Variants in ITGB8 observed in about 807,000 individuals in gnomAD.
ITGB8 encodes the protein integrin subunit beta 8, also known as integrin beta-8.
A neutral mutation model predicts 89.5 loss-of-function variants in ITGB8; 30 were observed. That is an observed-to-expected ratio of 0.34 (90% CI 0.25 to 0.45). The LOEUF (loss-of-function observed/expected upper bound fraction) is 0.45, where lower values mean the gene tolerates loss of function less well. Among genes scored for constraint, ITGB8 ranks in the 20% least tolerant of loss-of-function variants. The probability of loss-of-function intolerance (pLI) is 1.00; values close to 1 mark genes in which losing one functional copy is unlikely to be tolerated. For missense variants in ITGB8, 836 were observed against 933.3 expected (o/e 0.90, Z 1.36); for synonymous variants, 335 against 320.4 (o/e 1.05, Z -0.49).
chr7:20,395,038 G>A, intron 8 of ITGB8, 53 bp downstream of exon 8: 2 of 1,064,910 alleles, frequency 1.9e-6, no homozygotes, highest in Non-Finnish European at 2.8e-6. Context: ...CTCAATTTCT[G>A]TGACAAGGTA....
chr7:20,370,457 C>A (rs1303076509), intron 3 of ITGB8, among the ~76,000 whole-genome samples: 1 of 150,992 alleles, frequency 6.6e-6, no homozygotes, highest in Non-Finnish European at 1.5e-5. Flanking sequence ...TAATTACCTC[C>A]CTTAATAAGA....
chr7:20,363,782 T>C (rs1369287348), intron 2 of ITGB8, 60 bp downstream of exon 2: 1 of 980,000 alleles, frequency 1.0e-6, no homozygotes, highest in East Asian at 2.7e-5. Context: ...ATGACTTCAT[T>C]TTCCTAATAT....
intron 1 of ITGB8, among the ~76,000 whole-genome samples, chr7:20,332,218 G>A (rs1784427872): frequency 6.6e-6 from 1 of 152,204 alleles, no homozygotes; most frequent in Non-Finnish European, 1.5e-5. Flanking sequence ...AAAAGAGGGT[G>A]TCCTGTTTAC....
rs772257032 is a variant in ITGB8, at chr7:20,409,773, A to C, written c.2182A>C (p.Lys728Gln). Residue 728 changes from lysine to glutamine, a missense_variant, in exon 13 of 14, where the codon AAA becomes CAA. By Grantham distance (53) the Lys-to-Gln change is moderately conservative (BLOSUM62 1). Transcript: ENST00000222573. ...SSSDYRVSAS[K>Q]KDKLILQSVC... ...ATCAGATTACAGAGTGTCAGCCTCA[A>C]AAAAGGTCAGTGAATTCTAAAAAAG... 6.2e-7 allele frequency: 1 copy of C among 1,613,130 alleles called. No homozygotes were observed. The highest frequency in any genetic ancestry group is 1.7e-5 in the Admixed American group (1 of 59,956).
chr7:20,415,472 T>A lies in ITGB8; in HGVS notation c.*5475T>A, dbSNP rs181740045. 29 of 152,580 alleles carry A rather than the reference T, an allele frequency of 1.9e-4. No homozygotes were observed. Among genetic ancestry groups the A allele is most frequent in the African/African-American group, 5.5e-4 (23 of 41,560 alleles). 9.5% of individuals were successfully genotyped at this position (152,580 alleles called of 1,614,324 possible). On this transcript the variant is annotated 3_prime_UTR_variant, in exon 14 of 14. Coordinates refer to ENST00000222573, the MANE Select transcript of ITGB8 (RefSeq NM_002214.3). ...ATTTCTTATTATTTCTGGCTTTGAA[T>A]TATACGTAACTTAAATTGTCTTAAA... is the stretch of plus-strand genomic sequence containing the variant.
intron 8 of ITGB8, among the ~76,000 whole-genome samples, chr7:20,397,488 A>C (rs576251493): frequency 3.0e-4 from 45 of 152,264 alleles, no homozygotes; most frequent in African/African-American, 1.0e-3. Flanking sequence ...AGCCTCCCAA[A>C]GAGCTGGGAT....
chr7:20,375,860 G>C (rs1786120666), intron 3 of ITGB8, among the ~76,000 whole-genome samples: 1 of 152,106 alleles, frequency 6.6e-6, no homozygotes, highest in South Asian at 2.1e-4. Context: ...CTGATAGTTG[G>C]AATAGCCCAG....
At chr7:20,359,379 G>T (rs1170206599) in intron 1 of ITGB8, among the ~76,000 whole-genome samples, 1 of 152,188 alleles carries the variant, frequency 6.6e-6, no homozygotes, top group Non-Finnish European at 1.5e-5. Flanking sequence ...ACATCACTAG[G>T]CAAATAGCTG....
chr7:20,394,208 T>C (rs970689126), intron 7 of ITGB8, among the ~76,000 whole-genome samples: 1 of 152,232 alleles, frequency 6.6e-6, no homozygotes, highest in African/African-American at 2.4e-5. Flanking sequence ...TTCAAAACTT[T>C]TTACCATCTG....
intron 6 of ITGB8, among the ~76,000 whole-genome samples, chr7:20,386,295 G>A (rs557241299): frequency 2.7e-5 from 4 of 149,150 alleles, no homozygotes; most frequent in South Asian, 2.1e-4. Flanking sequence ...CTGGAGTACA[G>A]TGGCACCATC....
intron 10 of ITGB8, among the ~76,000 whole-genome samples, chr7:20,402,376 G>A (rs1787350143): frequency 6.6e-6 from 1 of 152,116 alleles, no homozygotes; most frequent in African/African-American, 2.4e-5. Flanking sequence ...TTATTCTCAT[G>A]CTTTCCTTGA....
At chr7:20,381,020 A>C (rs1786357210) in intron 5 of ITGB8, 189 bp downstream of exon 5, 1 of 522,292 alleles carries the variant, frequency 1.9e-6, no homozygotes, top group Non-Finnish European at 3.4e-6. Context: ...AAATTCAGGG[A>C]GGGATTTAAA....
chr7:20,374,892 G>A (rs557316714), intron 3 of ITGB8, among the ~76,000 whole-genome samples: 11 of 152,258 alleles, frequency 7.2e-5, no homozygotes, highest in African/African-American at 2.2e-4. Flanking sequence ...TAAAAGGATC[G>A]ACTCGGTGGT....
rs952733349 is a variant in ITGB8 at position 20,331,743 on chromosome 7, G to A, written c.-64G>A. 6.5e-7 allele frequency: 1 copy of A among 1,537,616 alleles called. No individual in the cohort carries two copies. The highest frequency in any genetic ancestry group is 8.8e-7 in the Non-Finnish European group (1 of 1,141,710). On this transcript the variant is annotated 5_prime_UTR_variant, in exon 1 of 14. Coordinates refer to ENST00000222573, the MANE Select transcript of ITGB8 (RefSeq NM_002214.3). ...GCCCGCGGGCCCCGAGGTGCGCCCG[G>A]GAGGCGCGAGCCCGCGTCCGGAAGG... is the stretch of plus-strand genomic sequence containing the variant.
chr7:20,376,947 C>T (rs1786173768), intron 3 of ITGB8, among the ~76,000 whole-genome samples: 1 of 152,236 alleles, frequency 6.6e-6, no homozygotes, highest in South Asian at 2.1e-4. Context: ...CACTCTCACA[C>T]CCCAACCATT....
At chr7:20,363,467 C>T (rs909133111) in intron 1 of ITGB8, among the ~76,000 whole-genome samples, 170 bp from the exon 2 acceptor site, 2 of 152,222 alleles carry the variant, frequency 1.3e-5, no homozygotes, top group African/African-American at 2.4e-5. Context: ...ATGAGCCGGT[C>T]GACTCTTTCC....
intron 10 of ITGB8, among the ~76,000 whole-genome samples, chr7:20,403,889 T>A (rs6954502): frequency 0.23 from 34,879 of 152,102 alleles, 5,039 homozygotes; most frequent in Non-Finnish European, 0.32. Context: ...CTAGTGCACA[T>A]TGGCATATTA....
chr7:20,359,692 G>A (rs1294255992), intron 1 of ITGB8, among the ~76,000 whole-genome samples: 1 of 142,706 alleles, frequency 7.0e-6, no homozygotes, highest in African/African-American at 2.5e-5. Context: ...TGTGTGTGTG[G>A]GAGAGAGAGA....
chr7:20,403,883 TG>T, intron 10 of ITGB8, among the ~76,000 whole-genome samples: 1 of 152,346 alleles, frequency 6.6e-6, no homozygotes, highest in South Asian at 2.1e-4. Context: ...CGATTTCTAG[TG>T]CACATTGGCA....
Sources: gnomAD v4.1 joint callset for allele counts (sites outside exome capture counted in the v4.1 genomes callset) on GRCh38, gnomAD v4.1.1 for gene constraint, MANE v1.5 for transcripts, NCBI Gene and HGNC (gene_info 2026-07-23, HGNC 2026-07-21) for gene names.